The following IL9R variants were observed in gnomAD, a reference collection of about 807,000 sequenced individuals.
IL9R encodes interleukin 9 receptor.
A neutral mutation model predicts 56.3 loss-of-function variants in IL9R; 54 were observed. The ratio of observed to expected loss-of-function variants is 0.96; its 90% CI spans 0.77 to 1.20. The LOEUF is 1.20. IL9R is among the 50% of genes most tolerant of loss of function. IL9R has a pLI of 0.00. For missense variants in IL9R, 545 were observed against 629.8 expected, an observed-to-expected ratio of 0.87 and a Z score of 1.44; for synonymous variants, 212 against 250.2, an observed-to-expected ratio of 0.85 and a Z score of 1.44.
rs2067640687 is a variant in IL9R at position 156,002,977 on chromosome X, A to C, written c.100A>C (p.Thr34Pro). 6.2e-7 allele frequency: 1 copy of C among 1,613,758 alleles called. No homozygotes were observed. Residue 34 changes from threonine to proline, a missense_variant, in exon 2 of 9, where the codon ACC becomes CCC. Thr to Pro is a conservative substitution (Grantham distance 38, BLOSUM62 -1). Transcript: ENST00000244174. ...GCTCCTGGCCTGCATCTGCATCTGC[A>C]CCTGTGTCTGCTTGGGAGTCTCTGT... ...TWLLACICICTCVCLGVSVTG... is the reference protein window; with the variant it reads ...TWLLACICICPCVCLGVSVTG...
chrX:156,003,375 G>C, intron 2 of IL9R, 74 bp from the exon 3 acceptor site: 1 of 1,053,690 alleles, frequency 9.5e-7, no homozygotes, highest in East Asian at 2.4e-5. Flanking sequence ...TCAGCTGTCA[G>C]ATCCTCCCCA....
In IL9R at chrX:156,005,412, G is replaced by A; in HGVS notation, c.714G>A (p.Glu238=). 1.2e-6 allele frequency: 2 copies of A among 1,613,226 alleles called. No homozygotes were observed. The highest frequency in any genetic ancestry group is 1.7e-6 in the Non-Finnish European group (2 of 1,179,836). ...MATLEDDVVE[E]ERYTGQWSEW... Reference sequence around the variant, plus strand: ...CACTGGAGGATGATGTGGTAGAGGAGGAGCGTTATACAGGCCAGTGGAGTG... The same window carrying A: ...CACTGGAGGATGATGTGGTAGAGGAAGAGCGTTATACAGGCCAGTGGAGTG... Residue 238 remains glutamate (E), a synonymous_variant, in exon 6 of 9, where the codon GAG becomes GAA. Coordinates refer to ENST00000244174, the MANE Select transcript of IL9R (RefSeq NM_002186.3).
chrX:156,003,715 G>T lies in IL9R; in HGVS notation c.293G>T (p.Arg98Leu). 1 of 1,613,644 alleles carries T rather than the reference G, an allele frequency of 6.2e-7. No homozygotes were observed. The highest frequency in any genetic ancestry group is 8.5e-7 in the Non-Finnish European group (1 of 1,179,736). Residue 98 changes from arginine (R) to leucine (L), a missense_variant, in exon 4 of 9, where the codon CGG becomes CTG. Coordinates refer to ENST00000244174, the MANE Select transcript of IL9R (RefSeq NM_002186.3). ...APGGTHKCIL[R>L]GSECTVVLPP... ...GGCGGCACACATAAGTGCATCTTGC[G>T]GGGCAGTGAGTGCACCGTCGTGCTG... is the stretch of plus-strand genomic sequence containing the variant.
At chrX:156,004,708 T>G in intron 5 of IL9R, 143 bp downstream of exon 5, 1 of 790,028 alleles carries the variant, frequency 1.3e-6, no homozygotes, top group South Asian at 1.7e-5. Context: ...CACACACACA[T>G]GCTGGCATGC....
chrX:156,002,979 C>A lies in IL9R; in HGVS notation c.102C>A (p.Thr34=), dbSNP rs1406705098. ...TCCTGGCCTGCATCTGCATCTGCAC[C>A]TGTGTCTGCTTGGGAGTCTCTGTCA... ...TWLLACICIC[T]CVCLGVSVTG... Residue 34 remains threonine, a synonymous_variant, in exon 2 of 9, where the codon ACC becomes ACA. Transcript: ENST00000244174. 2 of 1,613,882 alleles carry A rather than the reference C, an allele frequency of 1.2e-6. No individual in the cohort carries two copies. Among genetic ancestry groups the A allele is most frequent in the Non-Finnish European group, 1.7e-6 (2 of 1,179,854 alleles).
chrX:156,007,695 G>C, intron 8 of IL9R, 88 bp downstream of exon 8: 1 of 510,430 alleles, frequency 2.0e-6, no homozygotes, highest in Non-Finnish European at 3.2e-6. Context: ...ACTGAGGGTT[G>C]GCGGCCAGTA....
intron 7 of IL9R, among the ~76,000 whole-genome samples, chrX:156,006,450 G>C (rs941593986): frequency 1.7e-4 from 25 of 149,940 alleles, no homozygotes; most frequent in Non-Finnish European, 3.0e-4. Flanking sequence ...TGAGGCAGAG[G>C]CTGAAGATAA....
At chrX:156,005,513 G>A in intron 6 of IL9R, 34 bp downstream of exon 6, 1 of 1,582,668 alleles carries the variant, frequency 6.3e-7, no homozygotes, top group Non-Finnish European at 8.7e-7. Context: ...ACTTCCAGCG[G>A]AGTCTGGGCT....
chrX:155,998,178 G>A (rs2067265524), intron 1 of IL9R, among the ~76,000 whole-genome samples: 1 of 152,032 alleles, frequency 6.6e-6, no homozygotes, highest in Non-Finnish European at 1.5e-5. Flanking sequence ...GCCATGGGGT[G>A]GAGCTGAGGT....
intron 4 of IL9R, chrX:156,004,178 A>G (rs780728378): frequency 5.0e-6 from 3 of 600,954 alleles, no homozygotes; most frequent in Admixed American, 6.0e-5. Context: ...CCAGCAGCAG[A>G]CTGTGAAGGA....
chrX:156,004,481 CTGGAGCATCAGTCCTGCCT>C lies in IL9R; in HGVS notation c.502_520del (p.Ile168GlnfsTer2), dbSNP rs750213501. The stretch of plus-strand genomic sequence containing the variant: ...TCAGTTCTGGCCACTGCATCCTGAC[CTGGAGCATCAGTCCTGCCT>C]TGGAGCCAATGACCACACTTCTCAG... On this transcript the variant is annotated frameshift_variant, in exon 5 of 9. Coordinates refer to ENST00000244174, the MANE Select transcript of IL9R (RefSeq NM_002186.3). LOFTEE classifies it high-confidence loss of function. 6.2e-7 allele frequency: 1 copy of C among 1,613,858 alleles called. No individual in the cohort carries two copies. The highest frequency in any genetic ancestry group is 1.7e-5 in the Admixed American group (1 of 60,010).
chrX:156,009,041 GTGTT>G (rs1455613693), intron 8 of IL9R, among the ~76,000 whole-genome samples: 86 of 149,798 alleles, frequency 5.7e-4, no homozygotes, highest in African/African-American at 9.5e-4. Context: ...GTATCTGTGT[GTGTT>G]TGTGTCTGTG....
chrX:156,005,996 C>A, intron 6 of IL9R, 87 bp from the exon 7 acceptor site: 2 of 695,156 alleles, frequency 2.9e-6, no homozygotes, highest in South Asian at 1.8e-5. Flanking sequence ...GCCCAGGGCA[C>A]TAAAGGGCGC....
rs745365111 is a variant in IL9R at position 156,002,899 on chromosome X, C to T, written c.29-7C>T. ...TTGCACAGGGCCCTCAGCCCAGTCC[C>T]TTGCAGGCTGGACCTTGGAGAGTGA... On this transcript the variant is annotated splice_region_variant and splice_polypyrimidine_tract_variant and intron_variant, in intron 1 of 8. Coordinates refer to ENST00000244174, the MANE Select transcript of IL9R (RefSeq NM_002186.3). 16 of 1,613,678 alleles carry T rather than the reference C, an allele frequency of 9.9e-6. No individual in the cohort carries two copies. The highest frequency in any genetic ancestry group is 1.3e-5 in the Non-Finnish European group (15 of 1,179,864).
intron 6 of IL9R, 39 bp downstream of exon 6, chrX:156,005,518 T>G (rs1243367752): frequency 6.4e-7 from 1 of 1,567,602 alleles, no homozygotes; most frequent in Non-Finnish European, 8.8e-7. Context: ...CAGCGGAGTC[T>G]GGGCTGGGCG....
intron 8 of IL9R, among the ~76,000 whole-genome samples, chrX:156,009,029 CTG>C (rs2068221735): frequency 9.3e-6 from 1 of 107,132 alleles, no homozygotes; most frequent in African/African-American, 3.9e-5. Flanking sequence ...GTGTGTGTGT[CTG>C]TATCTGTGTG....
Position 155,998,347 on chromosome X carries a change from G to C in IL9R, c.28+560G>C, listed in dbSNP as rs768196796. 4.6e-5 allele frequency among the ~76,000 whole-genome samples: 7 copies of C among 151,982 alleles called. No individual in the cohort carries two copies. The East Asian group carries it at 1.4e-3, about 30-fold the overall frequency. ...GGGAGGGTCAACCCAGCCAAGCAGAGGAAGGGGAGGAGAGGGTTTGTTTTG... is the reference window on the plus strand; with the variant it reads ...GGGAGGGTCAACCCAGCCAAGCAGACGAAGGGGAGGAGAGGGTTTGTTTTG... On this transcript the variant is annotated intron_variant, in intron 1 of 8. Coordinates refer to ENST00000244174, the MANE Select transcript of IL9R (RefSeq NM_002186.3).
chrX:156,005,602 C>T (rs2067877425), intron 6 of IL9R, 123 bp downstream of exon 6: 1 of 777,310 alleles, frequency 1.3e-6, no homozygotes, highest in Non-Finnish European at 2.2e-6. Flanking sequence ...AGCCATGCCT[C>T]AGTTGACCCC....
chrX:156,006,208 G>C lies in IL9R; in HGVS notation c.887+20G>C, dbSNP rs751273559. 7.9e-6 allele frequency: 7 copies of C among 881,710 alleles called. No homozygotes were observed. Among genetic ancestry groups the C allele is most frequent in the Non-Finnish European group, 1.1e-5 (6 of 534,076 alleles). 54.6% of individuals were successfully genotyped at this position (881,710 alleles called of 1,614,324 possible). A position where few individuals can be genotyped will look rare whatever the true frequency, so the allele number is the denominator to read the frequency against. On this transcript the variant is annotated intron_variant, in intron 7 of 8. Coordinates refer to ENST00000244174, the MANE Select transcript of IL9R (RefSeq NM_002186.3). ...GCCCAGGTAGGTGGCTGATGTGTGC[G>C]TGTGTGTACATGTGTGAGCGGGCAA...
Sources: allele counts gnomAD v4.1 joint callset (sites outside exome capture counted in the v4.1 genomes callset), GRCh38; gene constraint gnomAD v4.1.1; transcripts MANE v1.5; gene names NCBI Gene and HGNC (gene_info 2026-07-23, HGNC 2026-07-21).